Variants in ASIC2 observed in about 807,000 individuals in gnomAD.
ASIC2 encodes the protein acid-sensing ion channel 2.
In ASIC2, 25 loss-of-function variants were observed where a neutral mutation model predicts 57.3. The observed-to-expected ratio is 0.44, with a 90% confidence interval of 0.32 to 0.61. ASIC2 has a LOEUF of 0.61. Ranked by LOEUF, ASIC2 falls within the 20% of genes least tolerant of loss-of-function variation. ASIC2 has a pLI of 0.06. For synonymous variants in ASIC2, 319 were observed against 307.5 expected (o/e 1.04, Z -0.39); for missense variants, 641 against 738.1 (o/e 0.87, Z 1.52).
chr17:33,894,065 T>A (rs1425678297), intron 1 of ASIC2, among the ~76,000 whole-genome samples: 1 of 152,088 alleles, frequency 6.6e-6, no homozygotes, highest in Non-Finnish European at 1.5e-5. Flanking sequence ...TATTTTATTG[T>A]TATGGACTTC....
intron 1 of ASIC2, among the ~76,000 whole-genome samples, chr17:33,613,514 G>C (rs1312674288): frequency 6.6e-6 from 1 of 151,296 alleles, no homozygotes; most frequent in African/African-American, 2.4e-5. Flanking sequence ...ACAGGCACCC[G>C]CCACCACGCC....
intron 1 of ASIC2, among the ~76,000 whole-genome samples, chr17:33,986,645 C>T (rs764354184): frequency 1.3e-5 from 2 of 152,110 alleles, no homozygotes; most frequent in Non-Finnish European, 2.9e-5. Context: ...CTGCAAAGGG[C>T]CCCTCGATGC....
At chr17:33,528,618 A>G (rs1163453515) in intron 1 of ASIC2, among the ~76,000 whole-genome samples, 2 of 152,144 alleles carry the variant, frequency 1.3e-5, no homozygotes. Context: ...GGTGGCCTTT[A>G]GAATATATCA....
At position 33,965,978 on chromosome 17, in the gene ASIC2, G is replaced by T. The variant is rs529854958; in HGVS notation, c.555+190000C>A. 1.8e-4 allele frequency among the ~76,000 whole-genome samples: 27 copies of T among 152,306 alleles called. No individual in the cohort carries two copies. In the South Asian group the frequency reaches 2.1e-3, roughly 12 times the overall value. On this transcript the variant is annotated intron_variant, in intron 1 of 9. Transcript: ENST00000359872. ...CTTGCCTATGCTCTCCTCCTCCTCT[G>T]CAATGCTGGAAAGATGCCAGCCTGC...
chr17:33,195,969 A>G (rs767129792), intron 1 of ASIC2, among the ~76,000 whole-genome samples: 5 of 152,196 alleles, frequency 3.3e-5, no homozygotes, highest in Non-Finnish European at 5.9e-5. Context: ...CCTAATAAAA[A>G]TGTGGCAATT....
chr17:34,099,868 A>G (rs1910796251), intron 1 of ASIC2, among the ~76,000 whole-genome samples: 1 of 152,236 alleles, frequency 6.6e-6, no homozygotes, highest in African/African-American at 2.4e-5. Context: ...TGAACACTGG[A>G]AGGTAGAATA....
chr17:33,398,753 G>A (rs1387473069), intron 1 of ASIC2, among the ~76,000 whole-genome samples: 3 of 152,150 alleles, frequency 2.0e-5, no homozygotes, highest in African/African-American at 7.2e-5. Flanking sequence ...CAACATGATT[G>A]CCACCTTTTT....
At chr17:33,636,206 G>A (rs1016641346) in intron 1 of ASIC2, among the ~76,000 whole-genome samples, 1 of 152,176 alleles carries the variant, frequency 6.6e-6, no homozygotes, top group African/African-American at 2.4e-5. Context: ...AACATACAGG[G>A]AAAGGTGTCA....
intron 1 of ASIC2, among the ~76,000 whole-genome samples, chr17:33,745,512 G>T (rs1910233266): frequency 8.5e-6 from 1 of 117,822 alleles, no homozygotes; most frequent in African/African-American, 2.8e-5. Context: ...GAAAGTCAAA[G>T]TCAAAAAAAA....
At chr17:33,158,920 G>T (rs1395791477) in intron 1 of ASIC2, among the ~76,000 whole-genome samples, 1 of 152,188 alleles carries the variant, frequency 6.6e-6, no homozygotes, top group African/African-American at 2.4e-5. Flanking sequence ...TGTTGCTGGA[G>T]TTTACTGAAG....
chr17:33,889,128 G>A (rs1914899849), intron 1 of ASIC2, among the ~76,000 whole-genome samples: 1 of 152,192 alleles, frequency 6.6e-6, no homozygotes, highest in South Asian at 2.1e-4. Context: ...CTCTCTTGTG[G>A]TGAGGGCACT....
intron 1 of ASIC2, among the ~76,000 whole-genome samples, chr17:34,026,276 G>A (rs1468215676): frequency 6.6e-6 from 1 of 152,160 alleles, no homozygotes; most frequent in Non-Finnish European, 1.5e-5. Flanking sequence ...AAGTCTTAAT[G>A]AGAATGAGGA....
At chr17:33,940,233 A>G (rs1396059536) in intron 1 of ASIC2, among the ~76,000 whole-genome samples, 1 of 151,998 alleles carries the variant, frequency 6.6e-6, no homozygotes, top group Non-Finnish European at 1.5e-5. Context: ...TGGGCTTATC[A>G]TGAGTGAGGA....
At chr17:34,108,147 T>G (rs1289976128) in intron 1 of ASIC2, among the ~76,000 whole-genome samples, 2 of 152,178 alleles carry the variant, frequency 1.3e-5, no homozygotes, top group African/African-American at 4.8e-5. Context: ...CTTCCTTACT[T>G]ATTTTCAACA....
At chr17:33,252,747 C>T (rs930239876) in intron 1 of ASIC2, among the ~76,000 whole-genome samples, 5 of 152,242 alleles carry the variant, frequency 3.3e-5, no homozygotes, top group Middle Eastern at 3.4e-3. Flanking sequence ...CCTTCTCTTA[C>T]GCCTTTGCCC....
intron 1 of ASIC2, among the ~76,000 whole-genome samples, chr17:34,153,500 G>C (rs1392130302): frequency 6.6e-6 from 1 of 152,224 alleles, no homozygotes; most frequent in Non-Finnish European, 1.5e-5. Flanking sequence ...AAAAAAGACA[G>C]AGGGACAAAG....
At chr17:33,115,749 A>T (rs1167009248) in intron 1 of ASIC2, among the ~76,000 whole-genome samples, 3 of 152,224 alleles carry the variant, frequency 2.0e-5, no homozygotes, top group Admixed American at 2.0e-4. Context: ...AAAGTGTGTA[A>T]CTGGATGGTT....
In ASIC2 at chr17:33,437,576, C is replaced by A. The variant is rs185706713; in HGVS notation, c.556-325509G>T. Among the ~76,000 whole-genome samples, 9 of 152,162 alleles carry A rather than the reference C, an allele frequency of 5.9e-5. No individual in the cohort carries two copies. In the East Asian group the frequency reaches 1.6e-3, roughly 26 times the overall value. The stretch of plus-strand genomic sequence containing the variant: ...CAGCACTCTGGGAGGCTGAGGTGGG[C>A]AGATCACTTGAGGTCAGGAGCTCAA... On this transcript the variant is annotated intron_variant, in intron 1 of 9. Coordinates refer to the ASIC2 transcript ENST00000359872.
At chr17:33,787,911 T>C (rs1911654984) in intron 1 of ASIC2, among the ~76,000 whole-genome samples, 1 of 152,154 alleles carries the variant, frequency 6.6e-6, no homozygotes, top group Admixed American at 6.5e-5. Context: ...TAGTGAGTTC[T>C]CACAAGATCT....
Sources: allele counts gnomAD v4.1 joint callset (sites outside exome capture counted in the v4.1 genomes callset), GRCh38; gene constraint gnomAD v4.1.1; transcripts MANE v1.5; gene names NCBI Gene and HGNC (gene_info 2026-07-23, HGNC 2026-07-21).